The following RBP7 variants were observed in gnomAD, a reference collection of about 807,000 sequenced individuals.
RBP7 encodes the protein retinoid-binding protein 7.
Under a neutral mutation model 16.7 loss-of-function variants are expected in RBP7, and 13 were observed. The observed-to-expected ratio is 0.78, with a 90% confidence interval of 0.51 to 1.24. The LOEUF (loss-of-function observed/expected upper bound fraction) is 1.24. RBP7 is among the 50% of genes most tolerant of loss of function. The pLI, the probability that RBP7 is intolerant of heterozygous loss-of-function variation, is 0.00. For synonymous variants in RBP7, 54 were observed against 56.2 expected (o/e 0.96, Z 0.17); for missense variants, 145 against 159.5 (o/e 0.91, Z 0.49).
In RBP7 at chr1:10,007,646, T is replaced by C. The variant is rs750041324; in HGVS notation, c.150T>C (p.Phe50=). The C allele has an allele frequency of 6.2e-7, 1 of 1,614,078 alleles. No homozygotes were observed. The highest frequency in any genetic ancestry group is 8.5e-7 in the Non-Finnish European group (1 of 1,179,984). ...QKVIEQNGDS[F]TIHTNSSLRN... is the part of the protein sequence containing the mutation. ...TGATTGAGCAGAATGGGGATTCTTT[T>C]ACCATCCACACGAACAGCAGCCTAA... Residue 50 remains phenylalanine (F), a synonymous_variant, in exon 2 of 4, where the codon TTT becomes TTC. Coordinates refer to ENST00000294435, the MANE Select transcript of RBP7 (RefSeq NM_052960.3).
chr1:10,013,153 ACCT>A (rs1348096213), intron 3 of RBP7, among the ~76,000 whole-genome samples: 1 of 148,248 alleles, frequency 6.7e-6, no homozygotes, highest in Non-Finnish European at 1.5e-5. Context: ...GCTCACTGTA[ACCT>A]CCTCCTCCTG....
chr1:10,008,287 T>C lies in RBP7; in HGVS notation c.354+13T>C. ...CAAACTCCACCTGGTATCCACCACA[T>C]TTTGTTCTTAATGAGATGATACAGT... On this transcript the variant is annotated intron_variant, in intron 3 of 3. Transcript: ENST00000294435. The C allele has an allele frequency of 6.5e-7, 1 of 1,548,066 alleles. No homozygotes were observed. The highest frequency in any genetic ancestry group is 8.9e-7 in the Non-Finnish European group (1 of 1,120,612).
chr1:9,999,640 C>T lies in RBP7; in HGVS notation c.73+2309C>T, dbSNP rs72859562. 7.6e-3 allele frequency among the ~76,000 whole-genome samples: 1,160 copies of T among 152,142 alleles called. 17 individuals carry two copies. The highest frequency in any genetic ancestry group is 0.027 in the African/African-American group (1,120 of 41,524). On this transcript the variant is annotated intron_variant, in intron 1 of 3. Coordinates refer to ENST00000294435, the MANE Select transcript of RBP7 (RefSeq NM_052960.3). ...GACATAAGGTGCCATGTTCTGAGGTCGCCTATCCAGAAACCCTTAAATCCA... is the reference window on the plus strand; with the variant it reads ...GACATAAGGTGCCATGTTCTGAGGTTGCCTATCCAGAAACCCTTAAATCCA...
At chr1:10,000,344 C>T (rs1642242254) in intron 1 of RBP7, among the ~76,000 whole-genome samples, 1 of 152,028 alleles carries the variant, frequency 6.6e-6, no homozygotes, top group Non-Finnish European at 1.5e-5. Flanking sequence ...CCAGCCTGGC[C>T]AACATGGTGA....
At chr1:10,007,298 G>A (rs1642474585) in intron 1 of RBP7, 1 of 379,762 alleles carries the variant, frequency 2.6e-6, no homozygotes, top group East Asian at 5.8e-5. Flanking sequence ...TGCCCAGGCT[G>A]GTCTCAAACT....
chr1:10,013,637 T>C (rs764564649), intron 3 of RBP7, among the ~76,000 whole-genome samples: 21 of 152,096 alleles, frequency 1.4e-4, no homozygotes, highest in South Asian at 4.1e-4. Context: ...GGTGAAATGC[T>C]GTCTCTACTA....
chr1:10,012,626 T>TAAA (rs144903026), intron 3 of RBP7, among the ~76,000 whole-genome samples: 6 of 137,816 alleles, frequency 4.4e-5, no homozygotes, highest in African/African-American at 1.1e-4. Flanking sequence ...AGCCTGTCTT[T>TAAA]AAAAAAAAAA....
At chr1:9,999,751 G>A (rs1407440800) in intron 1 of RBP7, among the ~76,000 whole-genome samples, 1 of 150,808 alleles carries the variant, frequency 6.6e-6, no homozygotes, top group East Asian at 1.9e-4. Context: ...ATTTGTTAAA[G>A]TGCTAAGTAC....
chr1:10,007,575 G>A lies in RBP7; in HGVS notation c.79G>A (p.Asp27Asn). 1.9e-6 allele frequency: 3 copies of A among 1,601,704 alleles called. No homozygotes were observed. The highest frequency in any genetic ancestry group is 2.6e-6 in the Non-Finnish European group (3 of 1,174,710). ...TTTTAAAAATTATTTTTAAGGTATT[G>A]ACTTTGCCACTCGTAAAATAGCCAA... is the stretch of plus-strand genomic sequence containing the variant. ...FEGYMLALGI[D>N]FATRKIAKLL... Residue 27 changes from aspartate (D) to asparagine (N), a missense_variant, in exon 2 of 4, where the codon GAC becomes AAC. Transcript: ENST00000294435.
intron 1 of RBP7, among the ~76,000 whole-genome samples, chr1:10,002,019 G>C (rs1418187417): frequency 4.0e-5 from 6 of 151,608 alleles, no homozygotes; most frequent in Non-Finnish European, 5.9e-5. Flanking sequence ...GTACAGACAG[G>C]GTTTCACCAC....
intron 3 of RBP7, among the ~76,000 whole-genome samples, chr1:10,010,800 G>T (rs1386081427): frequency 2.9e-5 from 4 of 135,704 alleles, no homozygotes; most frequent in Non-Finnish European, 6.0e-5. Flanking sequence ...GTCAGGCTGG[G>T]CTTGAACTCC....
Position 10,007,738 on chromosome 1 carries a change from G to A in RBP7, c.242G>A (p.Arg81Lys), listed in dbSNP as rs1570732960. The A allele has an allele frequency of 1.2e-6, 2 of 1,611,230 alleles. No homozygotes were observed. Among genetic ancestry groups the A allele is most frequent in the Admixed American group, 3.4e-5 (2 of 59,094 alleles). ...GAAGATAACAGAGGCCTGGACAACAGAAAATGCAAGGTAAAATGTAAAGAA... is the reference window on the plus strand; with the variant it reads ...GAAGATAACAGAGGCCTGGACAACAAAAAATGCAAGGTAAAATGTAAAGAA... ...FDEDNRGLDNRKCKSLVIWDN... is the reference protein window; with the variant it reads ...FDEDNRGLDNKKCKSLVIWDN... Residue 81 changes from arginine (R) to lysine (K), a missense_variant, in exon 2 of 4, where the codon AGA (arginine) becomes AAA (lysine). Transcript: ENST00000294435.
In RBP7 at chr1:9,998,412, T is replaced by C. The variant is rs866749666; in HGVS notation, c.73+1081T>C. Among the ~76,000 whole-genome samples the C allele has an allele frequency of 6.1e-3, 853 of 140,978 alleles. 6 individuals are homozygous for C. Among genetic ancestry groups the C allele is most frequent in the African/African-American group, 0.021 (811 of 38,908 alleles). 92.5% of individuals were successfully genotyped at this position (140,978 alleles called of 152,430 possible). On this transcript the variant is annotated intron_variant, in intron 1 of 3. Coordinates refer to ENST00000294435, the MANE Select transcript of RBP7 (RefSeq NM_052960.3). ...TTTTCTTTCTTTCTTTCTTTCTTTT[T>C]TTTTTTTTTTTTTGAGACGGAGTCT...
intron 3 of RBP7, among the ~76,000 whole-genome samples, chr1:10,009,465 AAC>A (rs1302664497): frequency 2.0e-5 from 3 of 152,146 alleles, no homozygotes; most frequent in Non-Finnish European, 4.4e-5. Context: ...CCACCCAGGA[AAC>A]ACAGACTCCA....
intron 1 of RBP7, among the ~76,000 whole-genome samples, chr1:10,001,341 T>C (rs544848120): frequency 6.6e-6 from 1 of 152,318 alleles, no homozygotes; most frequent in Admixed American, 6.5e-5. Flanking sequence ...GGTCTTGCTC[T>C]GTCGCTCAGG....
intron 1 of RBP7, among the ~76,000 whole-genome samples, chr1:9,998,067 C>T (rs564418577): frequency 4.6e-5 from 7 of 152,350 alleles, no homozygotes; most frequent in Admixed American, 2.0e-4. Flanking sequence ...CAACTCACTG[C>T]AACCTCCGCC....
In RBP7 at chr1:10,014,639, G is replaced by A. The variant is rs374332903; in HGVS notation, c.355-1143G>A. ...TGATCTCAGGCGATCTGCCCGCCTC[G>A]GCCACTCAAAGTGCTGGGATTACAG... is the stretch of plus-strand genomic sequence containing the variant. On this transcript the variant is annotated intron_variant, in intron 3 of 3. Transcript: ENST00000294435. Among the ~76,000 whole-genome samples the A allele has an allele frequency of 3.3e-5, 5 of 151,978 alleles. No homozygotes were observed. The East Asian group carries it at 5.8e-4, about 18-fold the overall frequency.
In RBP7 at chr1:9,998,112, C is replaced by T. The variant is rs181307297; in HGVS notation, c.73+781C>T. ...CAAGCGATTCTCCTGCCACAGCCTT[C>T]CAAGTAGCTGGGATTACACGCGTGC... On this transcript the variant is annotated intron_variant, in intron 1 of 3. Transcript: ENST00000294435. Among the ~76,000 whole-genome samples, 162 of 152,326 alleles carry T rather than the reference C, an allele frequency of 1.1e-3. 1 individual carries two copies. The highest frequency in any genetic ancestry group is 3.6e-3 in the African/African-American group (151 of 41,590).
Position 10,014,633 on chromosome 1 carries a change from C to T in RBP7, c.355-1149C>T, listed in dbSNP as rs181301476. Reference sequence around the variant, plus strand: ...AACTCCTGATCTCAGGCGATCTGCCCGCCTCGGCCACTCAAAGTGCTGGGA... The same window carrying T: ...AACTCCTGATCTCAGGCGATCTGCCTGCCTCGGCCACTCAAAGTGCTGGGA... On this transcript the variant is annotated intron_variant, in intron 3 of 3. Coordinates refer to ENST00000294435, the MANE Select transcript of RBP7 (RefSeq NM_052960.3). Among the ~76,000 whole-genome samples, 10 of 152,120 alleles carry T rather than the reference C, an allele frequency of 6.6e-5. No individual in the cohort carries two copies. The East Asian group carries it at 1.6e-3, about 24-fold the overall frequency.
Sources: allele counts gnomAD v4.1 joint callset (sites outside exome capture counted in the v4.1 genomes callset), GRCh38; gene constraint gnomAD v4.1.1; transcripts MANE v1.5; gene names NCBI Gene and HGNC (gene_info 2026-07-23, HGNC 2026-07-21).